PRKDC: variants seen among roughly 807,000 people sequenced by gnomAD.
PRKDC encodes DNA-dependent protein kinase catalytic subunit.
In PRKDC, 82 loss-of-function variants were observed where a neutral mutation model predicts 486.9. The ratio of observed to expected loss-of-function variants is 0.17; its 90% CI spans 0.14 to 0.20. The LOEUF (loss-of-function observed/expected upper bound fraction) is 0.20. PRKDC is among the 10% of genes least tolerant of loss of function. The pLI is 1.00. For missense variants in PRKDC, 4,504 were observed against 5,038.2 expected (o/e 0.89, Z 3.21); for synonymous variants, 1,895 against 1,837.0 (o/e 1.03, Z -0.81).
At chr8:47,805,884 A>G (rs987471309) in intron 69 of PRKDC, among the ~76,000 whole-genome samples, 1 of 149,970 alleles carries the variant, frequency 6.7e-6, no homozygotes, top group African/African-American at 2.5e-5. Context: ...CTCCCACCCC[A>G]CTCCCCTAGT....
intron 35 of PRKDC, 75 bp from the exon 36 acceptor site, chr8:47,886,222 A>G (rs2089327321): frequency 3.2e-6 from 4 of 1,244,678 alleles, no homozygotes; most frequent in Non-Finnish European, 4.3e-6. Context: ...TGGGCAACTG[A>G]TAACTTTGAA....
intron 11 of PRKDC, 78 bp downstream of exon 11, chr8:47,939,473 T>C: frequency 1.3e-6 from 2 of 1,493,794 alleles, no homozygotes; most frequent in Non-Finnish European, 1.8e-6. Context: ...TTAGACACTA[T>C]TCAAAATGCA....
Position 47,850,526 on chromosome 8 carries a change from T to C in PRKDC, c.7006-1023A>G, listed in dbSNP as rs190798832. 2.7e-3 allele frequency among the ~76,000 whole-genome samples: 416 copies of C among 152,304 alleles called. 5 individuals are homozygous for C. The highest frequency in any genetic ancestry group is 0.017 in the South Asian group (80 of 4,832). ...GAATAGAGATACCGAATCTGTAGTATGAGGCTATTTTTAAATTATCTTAAG... is the reference window on the plus strand; with the variant it reads ...GAATAGAGATACCGAATCTGTAGTACGAGGCTATTTTTAAATTATCTTAAG... On this transcript the variant is annotated intron_variant, in intron 52 of 85. Transcript: ENST00000314191.
At chr8:47,931,927 G>C (rs1212154237) in intron 16 of PRKDC, among the ~76,000 whole-genome samples, 1 of 152,164 alleles carries the variant, frequency 6.6e-6, no homozygotes, top group South Asian at 2.1e-4. Context: ...GTCTCACTCT[G>C]TCACCCAGGC....
intron 48 of PRKDC, among the ~76,000 whole-genome samples, chr8:47,858,011 C>T (rs756752074): frequency 6.6e-6 from 1 of 152,130 alleles, no homozygotes; most frequent in African/African-American, 2.4e-5. Context: ...CAGGGACCAC[C>T]CGTGCTATGC....
intron 80 of PRKDC, 109 bp from the exon 81 acceptor site, chr8:47,779,202 AAAT>A (rs754998486): frequency 1.4e-4 from 103 of 757,660 alleles, no homozygotes; most frequent in Non-Finnish European, 2.0e-4. Context: ...AGGCAGGAAA[AAAT>A]AATAAGACTT....
rs139108143 is a variant in PRKDC at position 47,844,537 on chromosome 8, G to A, written c.7281-4348C>T. On this transcript the variant is annotated intron_variant, in intron 54 of 85. Transcript: ENST00000314191. ...ACTTAAACTCAACACTTGAACAATC[G>A]GACCCAATACATCTACAGCATACTC... Among the ~76,000 whole-genome samples, 24 of 152,034 alleles carry A rather than the reference G, an allele frequency of 1.6e-4. No individual in the cohort carries two copies. The East Asian group carries it at 4.3e-3, about 27-fold the overall frequency.
chr8:47,935,121 A>C (rs139559933), intron 13 of PRKDC, 63 bp from the exon 14 acceptor site: 162 of 1,156,760 alleles, frequency 1.4e-4, no homozygotes, highest in Admixed American at 2.3e-4. Context: ...AAAACTCACA[A>C]AAAAAAACAA....
At chr8:47,790,890 T>C (rs180900443) in intron 74 of PRKDC, among the ~76,000 whole-genome samples, 4 of 152,192 alleles carry the variant, frequency 2.6e-5, no homozygotes, top group Admixed American at 2.6e-4. Context: ...CCCCTATCTC[T>C]CACCACATAC....
intron 54 of PRKDC, among the ~76,000 whole-genome samples, chr8:47,848,566 T>C (rs2088327352): frequency 6.6e-6 from 1 of 150,870 alleles, no homozygotes; most frequent in Non-Finnish European, 1.5e-5. Flanking sequence ...GATTCATCTG[T>C]ACACCAAACC....
chr8:47,854,138 C>T lies in PRKDC; in HGVS notation c.6838G>A (p.Val2280Met), dbSNP rs2088480278. 1.2e-6 allele frequency: 2 copies of T among 1,613,834 alleles called. No individual in the cohort carries two copies. The highest frequency in any genetic ancestry group is 1.7e-6 in the Non-Finnish European group (2 of 1,179,748). Residue 2280 changes from valine to methionine, a missense_variant, in exon 51 of 86, where the codon GTG (valine) becomes ATG (methionine). This residue lies in a region of PRKDC where 1,592 missense variants were observed against 1,724.6 expected (regional missense o/e 0.92). Transcript: ENST00000314191. ...NSVGIQLLGI[V>M]MANDLPPYDP... Reference sequence around the variant, plus strand: ...TAGGGAGGCAGGTCATTGGCCATCACGATGCCTAGCAATTGAATCCCTACT... The same window carrying T: ...TAGGGAGGCAGGTCATTGGCCATCATGATGCCTAGCAATTGAATCCCTACT...
At chr8:47,939,414 T>C (rs569729116) in intron 11 of PRKDC, 137 bp downstream of exon 11, 45 of 926,622 alleles carry the variant, frequency 4.9e-5, no homozygotes, top group Non-Finnish European at 7.0e-5. Flanking sequence ...AGTGAGCCTG[T>C]GCAGTTCACG....
intron 30 of PRKDC, among the ~76,000 whole-genome samples, chr8:47,896,560 C>T (rs2089585943): frequency 6.6e-6 from 1 of 150,684 alleles, no homozygotes; most frequent in Non-Finnish European, 1.5e-5. Context: ...GGCAAGAGAA[C>T]GGCGTGAACC....
At chr8:47,829,487 TAAATC>T (rs1589726035) in intron 61 of PRKDC, among the ~76,000 whole-genome samples, 1 of 152,188 alleles carries the variant, frequency 6.6e-6, no homozygotes, top group East Asian at 1.9e-4. Context: ...ATTTAAAAAA[TAAATC>T]TAATCATCAA....
chr8:47,850,645 T>C (rs2154500245), intron 52 of PRKDC, among the ~76,000 whole-genome samples: 3 of 152,326 alleles, frequency 2.0e-5, no homozygotes, highest in Middle Eastern at 6.8e-3. Flanking sequence ...GATGTCTTTT[T>C]ATTAAAAGTA....
chr8:47,943,300 G>C lies in PRKDC; in HGVS notation c.875C>G (p.Ser292Cys). 1 of 1,612,482 alleles carries C rather than the reference G, an allele frequency of 6.2e-7. No individual in the cohort carries two copies. The highest frequency in any genetic ancestry group is 8.5e-7 in the Non-Finnish European group (1 of 1,179,196). The change falls in exon 10 of 86, where the codon TCT becomes TGT. Residue 292 changes from serine to cysteine, a missense_variant. By Grantham distance (112) the Ser-to-Cys change is moderately radical. Coordinates refer to ENST00000314191, the MANE Select transcript of PRKDC (RefSeq NM_006904.7). Reference protein sequence around the residue: ...FSTCLLDNYVSLFEVLLKWCA... With the variant: ...FSTCLLDNYVCLFEVLLKWCA... ...CCACTTTAACAAGACTTCAAATAGA[G>C]ACACGTAGTTGTCCAGAAGGCAGGT...
intron 44 of PRKDC, among the ~76,000 whole-genome samples, 176 bp from the exon 45 acceptor site, chr8:47,861,147 GC>G (rs942205104): frequency 3.9e-5 from 6 of 152,252 alleles, no homozygotes; most frequent in African/African-American, 1.4e-4. Context: ...CTTAAGGAAA[GC>G]CCTTCCTGCA....
rs1027194623 is a variant in PRKDC at position 47,929,945 on chromosome 8, T to C, written c.1960A>G (p.Ile654Val). 24 of 1,610,986 alleles carry C rather than the reference T, an allele frequency of 1.5e-5. No homozygotes were observed. Among genetic ancestry groups the C allele is most frequent in the Non-Finnish European group, 1.7e-5 (20 of 1,178,846 alleles). ...AGGGGCAACCTTGTAGATTGCAAAATTAATTCATATGAAAATGAGTACACC... is the reference window on the plus strand; with the variant it reads ...AGGGGCAACCTTGTAGATTGCAAAACTAATTCATATGAAAATGAGTACACC... ...PWVYSFSYELILQSTRLPLIS... is the reference protein window; with the variant it reads ...PWVYSFSYELVLQSTRLPLIS... The change falls in exon 18 of 86, where the codon ATT becomes GTT. Residue 654 changes from isoleucine (I) to valine (V), a missense_variant. Coordinates refer to ENST00000314191, the MANE Select transcript of PRKDC (RefSeq NM_006904.7).
intron 22 of PRKDC, among the ~76,000 whole-genome samples, chr8:47,916,970 A>G (rs1188977899): frequency 6.6e-6 from 1 of 152,152 alleles, no homozygotes. Context: ...CTGTACAAAA[A>G]TTTTGGCAAA....
Sources: gnomAD v4.1 joint callset for allele counts (sites outside exome capture counted in the v4.1 genomes callset) on GRCh38, gnomAD v4.1.1 for gene constraint, gnomAD v4.1.1 regional missense constraint, MANE v1.5 for transcripts, NCBI Gene and HGNC (gene_info 2026-07-23, HGNC 2026-07-21) for gene names.